TSPAN11: variants seen among roughly 807,000 people sequenced by gnomAD.
TSPAN11 encodes tetraspanin 11, also known as tetraspanin-11.
Under a neutral mutation model 32.9 loss-of-function variants are expected in TSPAN11, and 29 were observed. That is an observed-to-expected ratio of 0.88 (90% confidence interval 0.66 to 1.20). The LOEUF (loss-of-function observed/expected upper bound fraction) is 1.20. TSPAN11 is among the 50% of genes most tolerant of loss of function. The pLI, the probability that TSPAN11 is intolerant of heterozygous loss-of-function variation, is 0.00. For missense variants in TSPAN11, 283 were observed against 329.1 expected (o/e 0.86, Z 1.08); for synonymous variants, 140 against 141.3 (o/e 0.99, Z 0.07).
chr12:30,987,250 C>T (rs1470684913), intron 7 of TSPAN11, among the ~76,000 whole-genome samples: 1 of 152,154 alleles, frequency 6.6e-6, no homozygotes, highest in African/African-American at 2.4e-5. Flanking sequence ...TCAGGCCACC[C>T]TCCAGGTGGG....
chr12:30,984,552 CTTTTTT>C (rs55772956), intron 7 of TSPAN11, among the ~76,000 whole-genome samples: 7 of 68,574 alleles, frequency 1.0e-4, no homozygotes, highest in African/African-American at 2.9e-4. Context: ...TCGCTTTTTG[CTTTTTT>C]TTTTTTTTTT....
intron 1 of TSPAN11, among the ~76,000 whole-genome samples, chr12:30,945,592 C>T (rs577388524): frequency 1.3e-5 from 2 of 152,134 alleles, no homozygotes; most frequent in African/African-American, 4.8e-5. Flanking sequence ...TTGCCCTGTT[C>T]ACTAGGACTC....
At chr12:31,003,141 G>A in the TSPAN11 span, among the ~76,000 whole-genome samples, 52 of 152,316 alleles carry the variant, frequency 3.4e-4, 1 homozygote, top group Non-Finnish European at 8.8e-5. Flanking sequence ...CTCTGATGTT[G>A]GCAAGGGAAG....
At chr12:30,980,265 C>T (rs947679079) in intron 5 of TSPAN11, among the ~76,000 whole-genome samples, 4 of 152,204 alleles carry the variant, frequency 2.6e-5, no homozygotes, top group Admixed American at 6.5e-5. Context: ...GCAAATGGAC[C>T]TCAGAGCTGT....
At chr12:30,957,789 C>T (rs530826540) in intron 2 of TSPAN11, among the ~76,000 whole-genome samples, 5 of 28,518 alleles carry the variant, frequency 1.8e-4, no homozygotes, top group South Asian at 2.4e-3. Flanking sequence ...CCCTCCCTCC[C>T]TCCTTCCTTC....
the TSPAN11 span, among the ~76,000 whole-genome samples, chr12:31,012,945 C>T: frequency 3.3e-5 from 5 of 152,208 alleles, no homozygotes; most frequent in African/African-American, 1.2e-4. Context: ...TTAGTTACCA[C>T]ATCTGAGGGT....
intron 6 of TSPAN11, 118 bp from the exon 7 acceptor site, chr12:30,982,946 G>T: frequency 8.1e-7 from 1 of 1,231,360 alleles, no homozygotes; most frequent in Non-Finnish European, 1.2e-6. Flanking sequence ...TCAAGGTTGG[G>T]TCCAGCCTGT....
chr12:30,974,015 C>G (rs548796268), intron 3 of TSPAN11, among the ~76,000 whole-genome samples: 1 of 152,186 alleles, frequency 6.6e-6, no homozygotes. Context: ...AATTCCAGCC[C>G]CGGGGTCCCA....
intron 1 of TSPAN11, among the ~76,000 whole-genome samples, chr12:30,952,897 G>C (rs1265247851): frequency 6.6e-6 from 1 of 152,208 alleles, no homozygotes; most frequent in Non-Finnish European, 1.5e-5. Context: ...ATTTCTTAAA[G>C]AGCAACTACT....
intron 1 of TSPAN11, among the ~76,000 whole-genome samples, chr12:30,940,257 G>A (rs1289843612): frequency 6.6e-6 from 1 of 152,212 alleles, no homozygotes; most frequent in African/African-American, 2.4e-5. Context: ...AAATATTTAT[G>A]TGATTCTCAA....
At chr12:30,961,312 G>A (rs2140290982) in intron 2 of TSPAN11, among the ~76,000 whole-genome samples, 1 of 151,942 alleles carries the variant, frequency 6.6e-6, no homozygotes, top group South Asian at 2.1e-4. Context: ...GGTACCAGCA[G>A]GGACAGTTTA....
At chr12:30,935,362 A>G (rs1206727100) in intron 1 of TSPAN11, among the ~76,000 whole-genome samples, 1 of 149,592 alleles carries the variant, frequency 6.7e-6, no homozygotes, top group Non-Finnish European at 1.5e-5. Flanking sequence ...ATGTTAGCCA[A>G]TGCTTTGTGG....
At chr12:31,002,698 C>T in the TSPAN11 span, among the ~76,000 whole-genome samples, 1 of 152,194 alleles carries the variant, frequency 6.6e-6, no homozygotes. This position sits in a 1 kb window ranked among gnomAD's most constrained non-coding sequence, Gnocchi z 4.8. Flanking sequence ...GTGCCATGTC[C>T]CTGCTAGTTA....
intron 1 of TSPAN11, among the ~76,000 whole-genome samples, chr12:30,938,992 G>A (rs1026709290): frequency 5.3e-5 from 8 of 152,050 alleles, no homozygotes; most frequent in African/African-American, 1.9e-4. Flanking sequence ...CAGCACTTTG[G>A]GAGGCTGAGG....
At chr12:31,000,381 G>T (rs1231628488), downstream of TSPAN11, among the ~76,000 whole-genome samples, 1 of 152,174 alleles carries the variant, frequency 6.6e-6, no homozygotes, top group Admixed American at 6.5e-5. Flanking sequence ...GCTCTTCCTT[G>T]GGGACCTGAT....
chr12:30,944,305 C>A lies in TSPAN11; in HGVS notation c.-11-9676C>A, dbSNP rs1056211634. On this transcript the variant is annotated intron_variant, in intron 1 of 7. Transcript: ENST00000546076. Reference sequence around the variant, plus strand: ...ACAATATATTATTAACTATAGTTATCATGTTGTACAATGGATCTCTTGAAC... The same window carrying A: ...ACAATATATTATTAACTATAGTTATAATGTTGTACAATGGATCTCTTGAAC... Among the ~76,000 whole-genome samples, 4 of 152,200 alleles carry A rather than the reference C, an allele frequency of 2.6e-5. No homozygotes were observed. In the East Asian group the frequency reaches 7.7e-4, roughly 29 times the overall value.
At chr12:31,007,144 C>G in the TSPAN11 span, among the ~76,000 whole-genome samples, 3 of 152,166 alleles carry the variant, frequency 2.0e-5, no homozygotes, top group African/African-American at 7.2e-5. Flanking sequence ...CGCTGTCCAC[C>G]CTCTCTAAAA....
chr12:30,935,919 C>T (rs1361130206), intron 1 of TSPAN11, among the ~76,000 whole-genome samples: 1 of 152,154 alleles, frequency 6.6e-6, no homozygotes, highest in Non-Finnish European at 1.5e-5. Context: ...CACAGGAAAT[C>T]GATTAACACA....
chr12:30,953,725 C>T (rs556866092), intron 1 of TSPAN11, among the ~76,000 whole-genome samples: 1 of 152,316 alleles, frequency 6.6e-6, no homozygotes, highest in Admixed American at 6.5e-5. Context: ...CTGTGGGAGA[C>T]TTGTAGGTTA....
Sources: gnomAD v4.1 joint callset for allele counts (sites outside exome capture counted in the v4.1 genomes callset) on GRCh38, gnomAD v4.1.1 for gene constraint, Gnocchi (gnomAD v3.1) non-coding constraint, MANE v1.5 for transcripts, NCBI Gene and HGNC (gene_info 2026-07-23, HGNC 2026-07-21) for gene names.